The following BTF3 variants were observed in gnomAD, a reference collection of about 807,000 sequenced individuals.
The protein encoded by BTF3 is basic transcription factor 3.
BTF3 carries 12 observed loss-of-function variants against 23.9 expected under a neutral mutation model. The ratio of observed to expected loss-of-function variants is 0.50; its 90% CI spans 0.32 to 0.81. BTF3 has a LOEUF of 0.81. Ranked by LOEUF, BTF3 falls within the 40% of genes least tolerant of loss-of-function variation. The probability of loss-of-function intolerance (pLI) is 0.03; values close to 1 mark genes in which losing one functional copy is unlikely to be tolerated. For missense variants in BTF3, 215 were observed against 255.9 expected, an observed-to-expected ratio of 0.84 and a Z score of 1.09; for synonymous variants, 96 against 94.8, an observed-to-expected ratio of 1.01 and a Z score of -0.07.
intron 2 of BTF3, among the ~76,000 whole-genome samples, chr5:73,499,899 G>C (rs962468871): frequency 1.3e-5 from 2 of 152,204 alleles, no homozygotes; most frequent in African/African-American, 4.8e-5. Context: ...ACTGTAGACA[G>C]AGGTCTACCT....
intron 4 of BTF3, 83 bp from the exon 5 acceptor site, chr5:73,504,264 G>GTTCTTTTTTTTTTTTTT (rs1746503523): frequency 2.5e-6 from 1 of 405,984 alleles, no homozygotes. Context: ...CATTTCATCT[G>GTTCTTTTTTTTTTTTTT]TTCTTTTTTT....
intron 3 of BTF3, 128 bp from the exon 4 acceptor site, chr5:73,502,788 C>G: frequency 1.0e-6 from 1 of 977,948 alleles, no homozygotes; most frequent in Non-Finnish European, 1.5e-6. Flanking sequence ...AATACATATT[C>G]CATTCCAGGC....
In BTF3 at chr5:73,498,510, T is replaced by G; in HGVS notation, c.-158T>G. The G allele has an allele frequency of 1.8e-6, 2 of 1,137,960 alleles. No individual in the cohort carries two copies. Among genetic ancestry groups the G allele is most frequent in the South Asian group, 2.0e-5 (1 of 49,230 alleles). The allele number at this position is 1,137,960 out of a possible 1,614,324, so 70.5% of individuals were successfully genotyped here. Reference sequence around the variant, plus strand: ...CTCAGGTGGTCCACCCGAGACCCCTTGAGCACCAACCCTAGTCCCCCGCGC... The same window carrying G: ...CTCAGGTGGTCCACCCGAGACCCCTGGAGCACCAACCCTAGTCCCCCGCGC... On this transcript the variant is annotated 5_prime_UTR_variant, in exon 1 of 6. Transcript: ENST00000380591.
At chr5:73,498,905 C>A in intron 1 of BTF3, 106 bp downstream of exon 1, 1 of 1,440,270 alleles carries the variant, frequency 6.9e-7, no homozygotes, top group Non-Finnish European at 9.1e-7. Flanking sequence ...GGGGTAGAGC[C>A]TTTCATCCGG....
intron 3 of BTF3, 127 bp downstream of exon 3, chr5:73,502,728 A>G (rs1746467527): frequency 3.6e-6 from 3 of 837,370 alleles, no homozygotes; most frequent in South Asian, 3.7e-5. Context: ...ATGTGTTTCT[A>G]CCATAAATTA....
intron 5 of BTF3, 58 bp downstream of exon 5, chr5:73,504,461 C>A (rs1746511360): frequency 2.0e-6 from 3 of 1,471,016 alleles, no homozygotes; most frequent in South Asian, 1.2e-5. Context: ...AATAAGAAAT[C>A]TTTGTAGGAA....
At position 73,502,543 on chromosome 5, in the gene BTF3, A is replaced by G. The variant is rs146671283; in HGVS notation, c.257A>G (p.Lys86Arg). ...VVHRTATADDKKLQFSLKKLG... is the reference protein window; with the variant it reads ...VVHRTATADDRKLQFSLKKLG... ...CATAGAACAGCCACAGCAGATGACA[A>G]AAAACTTCAGTTCTCCTTAAAGAAG... Residue 86 changes from lysine to arginine, a missense_variant, in exon 3 of 6, where the codon AAA becomes AGA. Physicochemically the swap from Lys to Arg is conservative, Grantham distance 26 (BLOSUM62 2). Coordinates refer to ENST00000380591, the MANE Select transcript of BTF3 (RefSeq NM_001037637.2). The G allele has an allele frequency of 4.3e-6, 7 of 1,610,678 alleles. No individual in the cohort carries two copies. The highest frequency in any genetic ancestry group is 5.9e-6 in the Non-Finnish European group (7 of 1,179,328).
At chr5:73,501,896 G>A (rs527243441) in intron 2 of BTF3, among the ~76,000 whole-genome samples, 5 of 152,160 alleles carry the variant, frequency 3.3e-5, no homozygotes, top group Admixed American at 1.3e-4. Flanking sequence ...GGTCAGGCGC[G>A]GTGGCTCACA....
rs1280571469 is a variant in BTF3 at position 73,502,934 on chromosome 5, C to G, written c.334C>G (p.Gln112Glu). ...GIEEVNMFTNQGTVIHFNNPK... is the reference protein window; with the variant it reads ...GIEEVNMFTNEGTVIHFNNPK... ...TTAATAGGTGAATATGTTTACAAAC[C>G]AAGGAACAGTGATCCACTTTAACAA... The change falls in exon 4 of 6, where the codon CAA becomes GAA. Residue 112 changes from glutamine (Q) to glutamate (E), a missense_variant. Transcript: ENST00000380591. The G allele has an allele frequency of 6.2e-7, 1 of 1,612,380 alleles. No individual in the cohort carries two copies.
chr5:73,502,677 GTTTTT>G, intron 3 of BTF3, 76 bp downstream of exon 3: 4 of 805,616 alleles, frequency 5.0e-6, no homozygotes, highest in Non-Finnish European at 7.5e-6. Context: ...TAAATGGGTT[GTTTTT>G]TTTTTTTTTA....
chr5:73,502,085 A>G (rs756991173), intron 2 of BTF3, among the ~76,000 whole-genome samples: 4 of 147,998 alleles, frequency 2.7e-5, no homozygotes, highest in Non-Finnish European at 5.9e-5. Flanking sequence ...AATCACTTGA[A>G]CCTGGGAGGC....
At position 73,498,513 on chromosome 5, in the gene BTF3, G is replaced by C; in HGVS notation, c.-155G>C. ...AGGTGGTCCACCCGAGACCCCTTGAGCACCAACCCTAGTCCCCCGCGCGGC... is the reference window on the plus strand; with the variant it reads ...AGGTGGTCCACCCGAGACCCCTTGACCACCAACCCTAGTCCCCCGCGCGGC... On this transcript the variant is annotated 5_prime_UTR_variant, in exon 1 of 6. Coordinates refer to ENST00000380591, the MANE Select transcript of BTF3 (RefSeq NM_001037637.2). The C allele has an allele frequency of 8.5e-7, 1 of 1,170,434 alleles. No individual in the cohort carries two copies. The highest frequency in any genetic ancestry group is 1.6e-5 in the African/African-American group (1 of 61,358). The allele number at this position is 1,170,434 out of a possible 1,614,324, so 72.5% of individuals were successfully genotyped here. A position where few individuals can be genotyped will look rare whatever the true frequency, so the allele number is the denominator to read the frequency against.
intron 2 of BTF3, chr5:73,499,447 A>G (rs1228016361): frequency 2.3e-6 from 1 of 437,536 alleles, no homozygotes; most frequent in Non-Finnish European, 3.5e-6. Flanking sequence ...TGTAAGTAGA[A>G]CACAAAAGTG....
At chr5:73,499,522 T>G in intron 2 of BTF3, 1 of 403,590 alleles carries the variant, frequency 2.5e-6, no homozygotes, top group Non-Finnish European at 4.7e-6. Context: ...CATCATACCC[T>G]TGACTTGTTT....
At chr5:73,502,381 C>G (rs1746457766) in intron 2 of BTF3, 107 bp from the exon 3 acceptor site, 3 of 810,082 alleles carry the variant, frequency 3.7e-6, no homozygotes, top group Non-Finnish European at 5.7e-6. Flanking sequence ...TGGTAATGTT[C>G]TTATACAGAT....
rs1217790409 is a variant in BTF3 at position 73,498,679 on chromosome 5, A to T, written c.12A>T (p.Thr4=). 2.7e-6 allele frequency: 4 copies of T among 1,497,846 alleles called. No individual in the cohort carries two copies. In the East Asian group the frequency reaches 1.1e-4, roughly 40 times the overall value. 92.8% of individuals were successfully genotyped at this position (1,497,846 alleles called of 1,614,324 possible). Residue 4 remains threonine, a synonymous_variant, in exon 1 of 6, where the codon ACA becomes ACT. Coordinates refer to ENST00000380591, the MANE Select transcript of BTF3 (RefSeq NM_001037637.2). The part of the protein sequence containing the change: MRR[T]GAPAQADSRG... Reference sequence around the variant, plus strand: ...AGGAGAGGAAGGCGATGCGACGGACAGGCGCACCCGCTCAGGCTGACTCTC... The same window carrying T: ...AGGAGAGGAAGGCGATGCGACGGACTGGCGCACCCGCTCAGGCTGACTCTC...
rs1378302625 is a variant in BTF3, at chr5:73,502,607, T to C, written c.315+6T>C. 1.3e-6 allele frequency: 2 copies of C among 1,573,324 alleles called. No homozygotes were observed. The highest frequency in any genetic ancestry group is 4.1e-5 in the Admixed American group (2 of 49,004). On this transcript the variant is annotated splice_donor_region_variant and intron_variant, in intron 3 of 5. Coordinates refer to ENST00000380591, the MANE Select transcript of BTF3 (RefSeq NM_001037637.2). ...ATATCTCTGGTATTGAAGAGGCAAG[T>C]ATCAAATTTTGTTACTTTAAAAAAC...
At chr5:73,499,005 G>T (rs1746367387) in intron 1 of BTF3, 129 bp from the exon 2 acceptor site, 3 of 1,257,362 alleles carry the variant, frequency 2.4e-6, no homozygotes, top group Admixed American at 5.7e-5. Flanking sequence ...GCTTTGCGGG[G>T]TGGATTTGGG....
chr5:73,503,976 G>A (rs190092499), intron 4 of BTF3, among the ~76,000 whole-genome samples: 1 of 152,264 alleles, frequency 6.6e-6, no homozygotes, highest in Admixed American at 6.5e-5. Context: ...CACACACAGA[G>A]TAGTTGAGAA....
Sources: allele counts gnomAD v4.1 joint callset (sites outside exome capture counted in the v4.1 genomes callset), GRCh38; gene constraint gnomAD v4.1.1; transcripts MANE v1.5; gene names NCBI Gene and HGNC (gene_info 2026-07-23, HGNC 2026-07-21).